Variants in LAMC3 observed in about 807,000 individuals in gnomAD.
LAMC3 encodes the protein laminin subunit gamma 3, also known as laminin subunit gamma-3.
LAMC3 carries 128 observed loss-of-function variants against 173.8 expected under a neutral mutation model. The observed-to-expected ratio is 0.74, with a 90% confidence interval of 0.64 to 0.85. The LOEUF (loss-of-function observed/expected upper bound fraction) is 0.85, where lower values mean the gene tolerates loss of function less well. Ranked by LOEUF, LAMC3 falls within the 40% of genes least tolerant of loss-of-function variation. LAMC3 has a pLI of 0.00. For synonymous variants in LAMC3, 897 were observed against 909.1 expected, an observed-to-expected ratio of 0.99 and a Z score of 0.24; for missense variants, 2,022 against 2,156.0, an observed-to-expected ratio of 0.94 and a Z score of 1.23.
chr9:131,073,167 C>A, intron 19 of LAMC3, 78 bp from the exon 20 acceptor site: 3 of 1,104,718 alleles, frequency 2.7e-6, no homozygotes, highest in Non-Finnish European at 4.1e-6. Context: ...CCAGTTCTGC[C>A]TCACAATTGG....
In LAMC3 at chr9:131,079,339, TG is replaced by T. The variant is rs1408864571; in HGVS notation, c.3927+45del. The T allele has an allele frequency of 5.6e-6, 9 of 1,612,040 alleles. No homozygotes were observed. In the African/African-American group the frequency reaches 6.7e-5, roughly 12 times the overall value. ...TTGAAGCAGGGGACCTGGGAGAGGT[TG>T]GGGCTACCCTGAAGGTGATCCAGGG... On this transcript the variant is annotated intron_variant, in intron 23 of 27. Transcript: ENST00000361069.
intron 15 of LAMC3, among the ~76,000 whole-genome samples, chr9:131,068,517 C>T (rs1354278731): frequency 2.0e-5 from 3 of 152,160 alleles, no homozygotes; most frequent in Non-Finnish European, 4.4e-5. Context: ...CCTGGGTGGC[C>T]TTTTGGCCAC....
intron 1 of LAMC3, among the ~76,000 whole-genome samples, chr9:131,019,700 A>G (rs1833593879): frequency 6.6e-6 from 1 of 152,162 alleles, no homozygotes; most frequent in South Asian, 2.1e-4. Flanking sequence ...TGTCATGCCC[A>G]AAGTCACTGC....
At position 131,049,022 on chromosome 9, in the gene LAMC3, G is replaced by C; in HGVS notation, c.1522G>C (p.Ala508Pro). The C allele has an allele frequency of 6.5e-7, 1 of 1,546,342 alleles. No individual in the cohort carries two copies. The highest frequency in any genetic ancestry group is 8.8e-7 in the Non-Finnish European group (1 of 1,142,726). Reference sequence around the variant, plus strand: ...GGGTGTCTGTGTTTGCTGTCTAGGAGCCGAAGGCTGGTGGGCCAGAAGTGT... The same window carrying C: ...GGGTGTCTGTGTTTGCTGTCTAGGACCCGAAGGCTGGTGGGCCAGAAGTGT... ...HHILSDFHQGAEGWWARSVGG... is the reference protein window; with the variant it reads ...HHILSDFHQGPEGWWARSVGG... Residue 508 changes from alanine to proline, a missense_variant and splice_region_variant, in exon 9 of 28, where the codon GCC (alanine) becomes CCC (proline). Transcript: ENST00000361069.
chr9:131,018,296 G>A (rs371331645), intron 1 of LAMC3, among the ~76,000 whole-genome samples: 23 of 151,784 alleles, frequency 1.5e-4, no homozygotes, highest in African/African-American at 4.6e-4. Context: ...CACCATGCCC[G>A]GCTAATTTTT....
intron 22 of LAMC3, among the ~76,000 whole-genome samples, chr9:131,078,250 G>A (rs1286193469): frequency 6.6e-6 from 1 of 152,114 alleles, no homozygotes; most frequent in Non-Finnish European, 1.5e-5. Flanking sequence ...CTAGCACTTT[G>A]GGAGGCTGAG....
chr9:131,089,078 G>A (rs552551611), intron 27 of LAMC3, among the ~76,000 whole-genome samples: 1 of 149,826 alleles, frequency 6.7e-6, no homozygotes, highest in African/African-American at 2.5e-5. Context: ...GTGAGACTCC[G>A]TCTCAAAAGA....
At chr9:131,039,335 C>A (rs147871580) in intron 6 of LAMC3, 87 bp downstream of exon 6, 6 of 1,070,272 alleles carry the variant, frequency 5.6e-6, no homozygotes, top group Non-Finnish European at 7.1e-6. Flanking sequence ...CCCTCCCCTC[C>A]CCATCCCTTC....
chr9:131,071,721 A>G, intron 18 of LAMC3, 96 bp downstream of exon 18: 1 of 1,328,526 alleles, frequency 7.5e-7, no homozygotes, highest in Admixed American at 2.7e-5. Context: ...GCCCTCCCAA[A>G]ACAGCCCTGT....
At chr9:131,053,029 C>T (rs1834329814) in intron 11 of LAMC3, 64 bp downstream of exon 11, 2 of 1,217,442 alleles carry the variant, frequency 1.6e-6, no homozygotes, top group Admixed American at 3.7e-5. Flanking sequence ...CTGGGCTGGG[C>T]TCCGGCGGTC....
At chr9:131,076,045 T>G in intron 21 of LAMC3, 80 bp downstream of exon 21, 1 of 1,394,222 alleles carries the variant, frequency 7.2e-7, no homozygotes, top group Non-Finnish European at 9.7e-7. Context: ...GGCTGCTGGT[T>G]CCAGAGCCAG....
At chr9:131,015,608 G>T (rs186861436) in intron 1 of LAMC3, among the ~76,000 whole-genome samples, 19 of 152,264 alleles carry the variant, frequency 1.2e-4, no homozygotes, top group East Asian at 9.6e-4. Flanking sequence ...AAGGGCCCCC[G>T]TGTGCAAAGG....
At position 131,087,564 on chromosome 9, in the gene LAMC3, C is replaced by T. The variant is rs779499766; in HGVS notation, c.4319C>T (p.Ala1440Val). Residue 1440 changes from alanine to valine, a missense_variant, in exon 26 of 28, where the codon GCG (alanine) becomes GTG (valine). Ala to Val is a moderately conservative substitution (Grantham distance 64, BLOSUM62 0). Transcript: ENST00000361069. ...TSQTQATLQQ[A>V]SQQVLASEAR... is the part of the protein sequence containing the mutation. The stretch of plus-strand genomic sequence containing the variant: ...CAGACGCAAGCCACGCTCCAACAGG[C>T]GTCCCAGCAGGTGCTGGCGTCTGAA... The T allele has an allele frequency of 1.7e-5, 28 of 1,613,838 alleles. No individual in the cohort carries two copies. The highest frequency in any genetic ancestry group is 1.6e-4 in the East Asian group (7 of 44,882).
At chr9:131,018,589 G>A (rs542165916) in intron 1 of LAMC3, among the ~76,000 whole-genome samples, 2 of 152,262 alleles carry the variant, frequency 1.3e-5, no homozygotes, top group African/African-American at 4.8e-5. Flanking sequence ...CTGTTAGCTG[G>A]TGGTGACACT....
intron 25 of LAMC3, among the ~76,000 whole-genome samples, chr9:131,086,063 G>GAA (rs1392030709): frequency 2.0e-5 from 3 of 151,800 alleles, no homozygotes; most frequent in Non-Finnish European, 2.9e-5. Context: ...TATTTTACCT[G>GAA]CCTTTTTGTT....
chr9:131,062,963 T>C (rs1055735600), intron 13 of LAMC3, among the ~76,000 whole-genome samples: 1 of 152,236 alleles, frequency 6.6e-6, no homozygotes, highest in African/African-American at 2.4e-5. Flanking sequence ...TCTATGAATT[T>C]GACTGCTCCC....
intron 1 of LAMC3, among the ~76,000 whole-genome samples, chr9:131,014,112 G>A (rs1335159239): frequency 6.6e-6 from 1 of 152,206 alleles, no homozygotes; most frequent in African/African-American, 2.4e-5. Context: ...TTCTCTCTGG[G>A]CCTCCCAGGA....
In LAMC3 at chr9:131,069,746, T is replaced by C; in HGVS notation, c.2965T>C (p.Phe989Leu). The C allele has an allele frequency of 6.3e-7, 1 of 1,599,812 alleles. No individual in the cohort carries two copies. Among genetic ancestry groups the C allele is most frequent in the Non-Finnish European group, 8.5e-7 (1 of 1,173,918 alleles). ...ENGTCVCRPGFEGYKCDRCHD... is the reference protein window; with the variant it reads ...ENGTCVCRPGLEGYKCDRCHD... ...CGGCACATGCGTGTGCAGGCCTGGCTTCGAGGGCTACAAATGTGACCGCTG... is the reference window on the plus strand; with the variant it reads ...CGGCACATGCGTGTGCAGGCCTGGCCTCGAGGGCTACAAATGTGACCGCTG... The change falls in exon 17 of 28, where the codon TTC (phenylalanine) becomes CTC (leucine). Residue 989 changes from phenylalanine to leucine, a missense_variant. Coordinates refer to ENST00000361069, the MANE Select transcript of LAMC3 (RefSeq NM_006059.4).
chr9:131,015,814 C>T (rs539495375), intron 1 of LAMC3, among the ~76,000 whole-genome samples: 1 of 152,322 alleles, frequency 6.6e-6, no homozygotes, highest in East Asian at 1.9e-4. Flanking sequence ...TGCCACCACA[C>T]CCAGCTAATT....
Sources: allele counts gnomAD v4.1 joint callset (sites outside exome capture counted in the v4.1 genomes callset), GRCh38; gene constraint gnomAD v4.1.1; transcripts MANE v1.5; gene names NCBI Gene and HGNC (gene_info 2026-07-23, HGNC 2026-07-21).